GATAD2A: variants seen among roughly 807,000 people sequenced by gnomAD.
The protein encoded by GATAD2A is transcriptional repressor p66-alpha.
A neutral mutation model predicts 68.5 loss-of-function variants in GATAD2A; 12 were observed. That is an observed-to-expected ratio of 0.18 (90% CI 0.11 to 0.28). The LOEUF (loss-of-function observed/expected upper bound fraction) is 0.28. Among genes scored for constraint, GATAD2A ranks in the 10% least tolerant of loss-of-function variants. The pLI is 1.00. For synonymous variants in GATAD2A, 410 were observed against 375.3 expected (o/e 1.09, Z -1.07); for missense variants, 755 against 868.5 (o/e 0.87, Z 1.64).
chr19:19,478,963 C>T (rs565352567), intron 2 of GATAD2A, among the ~76,000 whole-genome samples: 1 of 152,310 alleles, frequency 6.6e-6, no homozygotes, highest in South Asian at 2.1e-4. Context: ...CTGCTAGGTT[C>T]CCGTGGCTAT....
Position 19,508,537 on chromosome 19 carries a change from A to C in GATAD2A, c.*3063A>C, listed in dbSNP as rs888200209. 6.6e-6 allele frequency: 1 copy of C among 152,200 alleles called. No individual in the cohort carries two copies. Among genetic ancestry groups the C allele is most frequent in the Admixed American group, 6.5e-5 (1 of 15,272 alleles). 9.4% of individuals were successfully genotyped at this position (152,200 alleles called of 1,614,324 possible). On this transcript the variant is annotated 3_prime_UTR_variant, in exon 12 of 12. Coordinates refer to ENST00000683918, the MANE Select transcript of GATAD2A (RefSeq NM_001384528.1). ...CTCCTATTGGACGTAGAGGCAGGGGAGAGACTTCTCTATACAAATATTCTC... is the reference window on the plus strand; with the variant it reads ...CTCCTATTGGACGTAGAGGCAGGGGCGAGACTTCTCTATACAAATATTCTC...
chr19:19,492,858 C>T (rs574579484), intron 4 of GATAD2A, 146 bp downstream of exon 4: 18 of 695,998 alleles, frequency 2.6e-5, no homozygotes, highest in Non-Finnish European at 3.8e-5. Flanking sequence ...TTGTGGACTC[C>T]AGTGTGCATT....
At chr19:19,494,714 C>T (rs551366922) in intron 5 of GATAD2A, among the ~76,000 whole-genome samples, 5 of 152,230 alleles carry the variant, frequency 3.3e-5, no homozygotes, top group Non-Finnish European at 7.3e-5. Flanking sequence ...CTTCCAGGGC[C>T]TCCAGGTGAG....
intron 1 of GATAD2A, among the ~76,000 whole-genome samples, chr19:19,407,497 C>A (rs1352719018): frequency 1.3e-5 from 2 of 152,194 alleles, no homozygotes; most frequent in African/African-American, 4.8e-5. Flanking sequence ...TGCTCAAGGC[C>A]TCTTAGTAGT....
intron 2 of GATAD2A, among the ~76,000 whole-genome samples, chr19:19,471,469 A>G (rs142502253): frequency 1.3e-5 from 2 of 151,944 alleles, no homozygotes; most frequent in African/African-American, 2.4e-5. Context: ...CCAAAAAGCA[A>G]ATTTATTTGA....
At chr19:19,421,047 T>C (rs2052359235) in intron 1 of GATAD2A, among the ~76,000 whole-genome samples, 1 of 152,202 alleles carries the variant, frequency 6.6e-6, no homozygotes, top group Non-Finnish European at 1.5e-5. Flanking sequence ...GCGGTAACTT[T>C]CTCCGTTGAG....
chr19:19,464,984 G>C (rs768868455), intron 1 of GATAD2A: 9 of 343,784 alleles, frequency 2.6e-5, no homozygotes, highest in Non-Finnish European at 4.4e-5. Flanking sequence ...TTGAGATCTA[G>C]AACAACTTTT....
At chr19:19,429,017 G>GTTTT (rs35115269) in intron 1 of GATAD2A, among the ~76,000 whole-genome samples, 1 of 130,116 alleles carries the variant, frequency 7.7e-6, no homozygotes, top group African/African-American at 2.9e-5. Flanking sequence ...GCATTTGTAT[G>GTTTT]TTTTTTTTTT....
intron 2 of GATAD2A, among the ~76,000 whole-genome samples, chr19:19,471,372 G>A (rs1029421101): frequency 5.3e-5 from 8 of 152,096 alleles, no homozygotes; most frequent in Non-Finnish European, 1.2e-4. Flanking sequence ...CCATAACATG[G>A]CTGAATCTCA....
chr19:19,436,319 C>T, intron 1 of GATAD2A: 1 of 580,360 alleles, frequency 1.7e-6, no homozygotes, highest in South Asian at 1.5e-5. Context: ...CTGCTTCAGC[C>T]ACCTCCTAGA....
chr19:19,405,300 G>T (rs1434352764), upstream of GATAD2A, among the ~76,000 whole-genome samples: 1 of 152,206 alleles, frequency 6.6e-6, no homozygotes, highest in Non-Finnish European at 1.5e-5. Flanking sequence ...CCCCGCGGGG[G>T]TGACATTCTA....
intron 2 of GATAD2A, among the ~76,000 whole-genome samples, chr19:19,478,896 T>G (rs1472187529): frequency 1.2e-4 from 19 of 152,182 alleles, no homozygotes; most frequent in Admixed American, 1.2e-3. Flanking sequence ...ATAAATAACT[T>G]ATTATTAAAA....
At position 19,508,882 on chromosome 19, in the gene GATAD2A, G is replaced by A. The variant is rs781675565; in HGVS notation, c.*3408G>A. The A allele has an allele frequency of 2.0e-5, 3 of 152,186 alleles. No individual in the cohort carries two copies. The highest frequency in any genetic ancestry group is 4.8e-5 in the African/African-American group (2 of 41,424). The allele number at this position is 152,186 out of a possible 1,614,324, so 9.4% of individuals were successfully genotyped here. A position where few individuals can be genotyped will look rare whatever the true frequency, so the allele number is the denominator to read the frequency against. On this transcript the variant is annotated 3_prime_UTR_variant, in exon 12 of 12. Transcript: ENST00000683918. Reference sequence around the variant, plus strand: ...AATGGGTGGCTATACGTTGTATCACGAGGAAGTTTTAGACTCTGAAGGATA... The same window carrying A: ...AATGGGTGGCTATACGTTGTATCACAAGGAAGTTTTAGACTCTGAAGGATA...
At chr19:19,480,893 G>A (rs1473035912) in intron 2 of GATAD2A, among the ~76,000 whole-genome samples, 3 of 152,204 alleles carry the variant, frequency 2.0e-5, no homozygotes, top group Admixed American at 6.5e-5. Context: ...TTAAAAGAGG[G>A]GCAGGAGGTT....
intron 5 of GATAD2A, 47 bp from the exon 6 acceptor site, chr19:19,495,707 T>G (rs201855130): frequency 2.7e-5 from 42 of 1,527,296 alleles, no homozygotes; most frequent in South Asian, 1.4e-4. Flanking sequence ...AAAAAAAGTG[T>G]GGGGGGGTCC....
At chr19:19,495,705 T>C in intron 5 of GATAD2A, 49 bp from the exon 6 acceptor site, 1 of 1,516,836 alleles carries the variant, frequency 6.6e-7, no homozygotes, top group Non-Finnish European at 8.9e-7. Flanking sequence ...TTAAAAAAAG[T>C]GTGGGGGGGT....
At chr19:19,436,162 T>A in intron 1 of GATAD2A, 1 of 1,366,416 alleles carries the variant, frequency 7.3e-7, no homozygotes, top group Non-Finnish European at 9.8e-7. Flanking sequence ...AGTAGCCTTT[T>A]GATGTCACTG....
chr19:19,451,454 A>G (rs1487018189), intron 1 of GATAD2A, among the ~76,000 whole-genome samples: 1 of 152,222 alleles, frequency 6.6e-6, no homozygotes, highest in African/African-American at 2.4e-5. Flanking sequence ...CGCATTGTCC[A>G]GATGTGCAGC....
chr19:19,386,478 C>G (rs1425073241), intron 1 of GATAD2A, among the ~76,000 whole-genome samples: 1 of 151,380 alleles, frequency 6.6e-6, no homozygotes, highest in African/African-American at 2.4e-5. Flanking sequence ...TCTAGCGACC[C>G]CCACCTTTCT....
Sources: allele counts gnomAD v4.1 joint callset (sites outside exome capture counted in the v4.1 genomes callset), GRCh38; gene constraint gnomAD v4.1.1; transcripts MANE v1.5; gene names NCBI Gene and HGNC (gene_info 2026-07-23, HGNC 2026-07-21).